GORASP2: variants seen among roughly 807,000 people sequenced by gnomAD.
GORASP2 encodes the protein golgi reassembly stacking protein 2, also known as Golgi reassembly-stacking protein 2.
Under a neutral mutation model 45.7 loss-of-function variants are expected in GORASP2, and 22 were observed. The observed-to-expected ratio is 0.48, with a 90% CI of 0.34 to 0.69. The LOEUF (loss-of-function observed/expected upper bound fraction) is 0.69, where lower values mean the gene tolerates loss of function less well. Ranked by LOEUF, GORASP2 falls within the 30% of genes least tolerant of loss-of-function variation. GORASP2 has a pLI of 0.01. For synonymous variants in GORASP2, 221 were observed against 215.6 expected (o/e 1.02, Z -0.22); for missense variants, 491 against 562.7 (o/e 0.87, Z 1.29).
upstream of GORASP2, chr2:170,929,179 C>A: frequency 2.0e-6 from 1 of 489,832 alleles, no homozygotes; most frequent in Non-Finnish European, 3.3e-6. Context: ...TCGCAGCGGC[C>A]CGGGCTGCAG....
Position 170,945,726 on chromosome 2 carries a change from A to G in GORASP2, c.64-2624A>G, listed in dbSNP as rs112105364. ...ATCAAGTTTTACTTCTTCTGAGACA[A>G]TACTATAATTTGGCGTAAATAAAAG... is the stretch of plus-strand genomic sequence containing the variant. On this transcript the variant is annotated intron_variant, in intron 1 of 9. Coordinates refer to ENST00000234160, the MANE Select transcript of GORASP2 (RefSeq NM_015530.5). Among the ~76,000 whole-genome samples, 351 of 152,324 alleles carry G rather than the reference A, an allele frequency of 2.3e-3. 1 individual carries two copies. Among genetic ancestry groups the G allele is most frequent in the African/African-American group, 7.2e-3 (300 of 41,576 alleles).
rs187290214 is a variant in GORASP2 at position 170,960,595 on chromosome 2, G to A, written c.824-1068G>A. Among the ~76,000 whole-genome samples, 219 of 152,298 alleles carry A rather than the reference G, an allele frequency of 1.4e-3. 3 individuals are homozygous for A. Among genetic ancestry groups the A allele is most frequent in the Non-Finnish European group, 4.1e-4 (28 of 68,012 alleles). On this transcript the variant is annotated intron_variant, in intron 7 of 9. Coordinates refer to ENST00000234160, the MANE Select transcript of GORASP2 (RefSeq NM_015530.5). ...AAGCTGCTTTTGTTTTCTTAAAACC[G>A]AGATTTCAAAACAAATATAAAAAAA... is the stretch of plus-strand genomic sequence containing the variant.
rs532179960 is a variant in GORASP2, at chr2:170,936,682, A to G, written c.63+7279A>G. On this transcript the variant is annotated intron_variant, in intron 1 of 9. Transcript: ENST00000234160. Reference sequence around the variant, plus strand: ...AAATAAGGAAGCTTAAGCCGGGCATAATGGTGTGCACCTGTAATCCCAGCT... The same window carrying G: ...AAATAAGGAAGCTTAAGCCGGGCATGATGGTGTGCACCTGTAATCCCAGCT... The G allele has an allele frequency of 2.2e-5, 28 of 1,282,456 alleles. 3 individuals are homozygous for G. In the African/African-American group the frequency reaches 3.8e-4, roughly 17 times the overall value. The allele number at this position is 1,282,456 out of a possible 1,614,324, so 79.4% of individuals were successfully genotyped here. A position where few individuals can be genotyped will look rare whatever the true frequency, so the allele number is the denominator to read the frequency against.
In GORASP2 at chr2:170,936,286, G is replaced by T. The variant is rs529660789; in HGVS notation, c.63+6883G>T. Among the ~76,000 whole-genome samples the T allele has an allele frequency of 2.4e-3, 345 of 141,010 alleles. 1 individual carries two copies. The highest frequency in any genetic ancestry group is 8.4e-3 in the African/African-American group (325 of 38,644). The allele number at this position is 141,010 out of a possible 152,430, so 92.5% of individuals were successfully genotyped here. ...CTGTCACTATGGCTGGAGTGTTGTGGTGTGGTCATGGCCCACTGCAGCCTT... is the reference window on the plus strand; with the variant it reads ...CTGTCACTATGGCTGGAGTGTTGTGTTGTGGTCATGGCCCACTGCAGCCTT... On this transcript the variant is annotated intron_variant, in intron 1 of 9. Coordinates refer to ENST00000234160, the MANE Select transcript of GORASP2 (RefSeq NM_015530.5).
Position 170,961,838 on chromosome 2 carries a change from G to C in GORASP2, c.910+89G>C, listed in dbSNP as rs111633805. The C allele has an allele frequency of 6.5e-5, 53 of 810,198 alleles. 1 individual carries two copies. Among genetic ancestry groups the C allele is most frequent in the African/African-American group, 4.9e-4 (29 of 59,562 alleles). The allele number at this position is 810,198 out of a possible 1,614,324, so 50.2% of individuals were successfully genotyped here. A position where few individuals can be genotyped will look rare whatever the true frequency, so the allele number is the denominator to read the frequency against. On this transcript the variant is annotated intron_variant, in intron 8 of 9. Transcript: ENST00000234160. Reference sequence around the variant, plus strand: ...AAACAATGAAAAATATTATACCTGTGTGGTAACTTTTTATGTCTTTTAATC... The same window carrying C: ...AAACAATGAAAAATATTATACCTGTCTGGTAACTTTTTATGTCTTTTAATC...
intron 1 of GORASP2, among the ~76,000 whole-genome samples, chr2:170,934,256 T>TG (rs1158223113): frequency 6.6e-5 from 10 of 150,812 alleles, no homozygotes; most frequent in South Asian, 4.2e-4. Context: ...TGTTTTTTTT[T>TG]TTGTTGTTGT....
chr2:170,941,008 G>T (rs1415310347), intron 1 of GORASP2, among the ~76,000 whole-genome samples: 2 of 152,198 alleles, frequency 1.3e-5, no homozygotes, highest in East Asian at 1.9e-4. Context: ...TAATAGAGAT[G>T]CCCCTTTACT....
intron 5 of GORASP2, among the ~76,000 whole-genome samples, chr2:170,952,027 T>A (rs1704311142): frequency 6.6e-6 from 1 of 152,252 alleles, no homozygotes; most frequent in Non-Finnish European, 1.5e-5. Context: ...AGAAATAGGA[T>A]CTATTCGAGG....
chr2:170,951,569 C>A, intron 5 of GORASP2, 111 bp downstream of exon 5: 1 of 865,526 alleles, frequency 1.2e-6, no homozygotes, highest in Non-Finnish European at 1.7e-6. Flanking sequence ...TTTTAAGACT[C>A]CTCTTAAAAA....
chr2:170,943,829 T>A (rs1704127374), intron 1 of GORASP2, among the ~76,000 whole-genome samples: 1 of 152,132 alleles, frequency 6.6e-6, no homozygotes, highest in Non-Finnish European at 1.5e-5. Context: ...ATTGCCACTA[T>A]GCCTGGCTAA....
intron 1 of GORASP2, among the ~76,000 whole-genome samples, chr2:170,937,645 GAA>G (rs1178100791): frequency 6.6e-6 from 1 of 152,028 alleles, no homozygotes; most frequent in Non-Finnish European, 1.5e-5. Flanking sequence ...GAAAGAAAAA[GAA>G]AGAGAGAGGG....
At chr2:170,956,754 A>G (rs1486272382) in intron 7 of GORASP2, among the ~76,000 whole-genome samples, 195 bp downstream of exon 7, 2 of 134,140 alleles carry the variant, frequency 1.5e-5, no homozygotes, top group African/African-American at 2.6e-5. Context: ...AAAAAAAAAA[A>G]CTTTTTTTAA....
At chr2:170,947,027 T>C (rs1415836769) in intron 1 of GORASP2, among the ~76,000 whole-genome samples, 2 of 152,184 alleles carry the variant, frequency 1.3e-5, no homozygotes, top group Non-Finnish European at 2.9e-5. Context: ...ATGGTAATTT[T>C]TTTTAACCTA....
At chr2:170,940,736 G>T (rs1248318890) in intron 1 of GORASP2, among the ~76,000 whole-genome samples, 4 of 151,654 alleles carry the variant, frequency 2.6e-5, no homozygotes, top group African/African-American at 7.3e-5. Context: ...TGTAGCTCAA[G>T]CCAAAAAATG....
At position 170,935,992 on chromosome 2, in the gene GORASP2, TAG is replaced by T. The variant is rs1477464479; in HGVS notation, c.63+6592_63+6593del. On this transcript the variant is annotated intron_variant, in intron 1 of 9. Coordinates refer to ENST00000234160, the MANE Select transcript of GORASP2 (RefSeq NM_015530.5). ...GGTTAATTATGGTTTCAGTAAGTAG[TAG>T]AGTGTACAACACTGATTCTTCTGCC... Among the ~76,000 whole-genome samples the T allele has an allele frequency of 2.0e-5, 3 of 152,322 alleles. No individual in the cohort carries two copies. The East Asian group carries it at 5.8e-4, about 29-fold the overall frequency.
chr2:170,949,171 G>T (rs964849461), intron 2 of GORASP2, among the ~76,000 whole-genome samples: 4 of 152,088 alleles, frequency 2.6e-5, no homozygotes, highest in Non-Finnish European at 5.9e-5. Context: ...AAAATTAAAC[G>T]TTAACCCCAG....
At position 170,966,037 on chromosome 2, in the gene GORASP2, C is replaced by T; in HGVS notation, c.1266C>T (p.Pro422=). 2.5e-6 allele frequency: 4 copies of T among 1,613,974 alleles called. No homozygotes were observed. Among genetic ancestry groups the T allele is most frequent in the Non-Finnish European group, 2.5e-6 (3 of 1,179,890 alleles). The change falls in exon 10 of 10, where the codon CCC becomes CCT. Residue 422 remains proline (P), a synonymous_variant. Coordinates refer to ENST00000234160, the MANE Select transcript of GORASP2 (RefSeq NM_015530.5). ...TGACGCCCCCCACTGCCAAGGCCCC[C>T]ACCACCGTTGAGGACAGAGTCGGCG... The part of the protein sequence containing the change: ...VDVTPPTAKA[P]TTVEDRVGDS...
intron 1 of GORASP2, among the ~76,000 whole-genome samples, chr2:170,945,852 T>C (rs1704171263): frequency 6.6e-6 from 1 of 152,238 alleles, no homozygotes; most frequent in African/African-American, 2.4e-5. Context: ...TAAAATGACT[T>C]GTTACTGTAT....
At chr2:170,946,469 C>A (rs1704184184) in intron 1 of GORASP2, among the ~76,000 whole-genome samples, 1 of 152,006 alleles carries the variant, frequency 6.6e-6, no homozygotes, top group Admixed American at 6.6e-5. Flanking sequence ...TTTGACAGTC[C>A]ATTATCAAAT....
Sources: gnomAD v4.1 joint callset for allele counts (sites outside exome capture counted in the v4.1 genomes callset) on GRCh38, gnomAD v4.1.1 for gene constraint, MANE v1.5 for transcripts, NCBI Gene and HGNC (gene_info 2026-07-23, HGNC 2026-07-21) for gene names.